The following CNTNAP2 variants were observed in gnomAD, a reference collection of about 807,000 sequenced individuals.
The protein encoded by CNTNAP2 is contactin-associated protein-like 2.
In CNTNAP2, 98 loss-of-function variants were observed where a neutral mutation model predicts 155.2. The ratio of observed to expected loss-of-function variants is 0.63; its 90% CI spans 0.54 to 0.75. The LOEUF is 0.75. Ranked by LOEUF, CNTNAP2 falls within the 30% of genes least tolerant of loss-of-function variation. The pLI is 0.00. For missense variants in CNTNAP2, 1,727 were observed against 1,688.1 expected, an observed-to-expected ratio of 1.02 and a Z score of -0.40; for synonymous variants, 651 against 631.2, an observed-to-expected ratio of 1.03 and a Z score of -0.47.
intron 1 of CNTNAP2, among the ~76,000 whole-genome samples, chr7:146,613,011 C>T (rs1256611337): frequency 1.3e-5 from 2 of 151,078 alleles, no homozygotes; most frequent in African/African-American, 4.9e-5. Flanking sequence ...CCACTCACTA[C>T]CAATTGCTCT....
chr7:146,947,850 G>A lies in CNTNAP2; in HGVS notation c.403-96057G>A, dbSNP rs1159116097. Among the ~76,000 whole-genome samples, 3 of 151,804 alleles carry A rather than the reference G, an allele frequency of 2.0e-5. No individual in the cohort carries two copies. The South Asian group carries it at 6.2e-4, about 32-fold the overall frequency. On this transcript the variant is annotated intron_variant, in intron 3 of 23. Transcript: ENST00000361727. Reference sequence around the variant, plus strand: ...GAACCTATTACTTCGAGGCTACAGCGAGCTATAATGGTGCCATTGCCCTGC... The same window carrying A: ...GAACCTATTACTTCGAGGCTACAGCAAGCTATAATGGTGCCATTGCCCTGC...
At chr7:147,868,119 C>A (rs746449377) in intron 13 of CNTNAP2, among the ~76,000 whole-genome samples, 23 of 152,090 alleles carry the variant, frequency 1.5e-4, no homozygotes, top group Non-Finnish European at 2.5e-4. Flanking sequence ...TGGTGACCTA[C>A]AGATGGGGTT....
At chr7:147,524,162 T>C (rs1262719907) in intron 11 of CNTNAP2, among the ~76,000 whole-genome samples, 1 of 152,184 alleles carries the variant, frequency 6.6e-6, no homozygotes, top group Non-Finnish European at 1.5e-5. Flanking sequence ...TTGCAAATAG[T>C]GCTTTGGTTT....
intron 3 of CNTNAP2, among the ~76,000 whole-genome samples, chr7:146,938,784 T>C (rs760892978): frequency 1.4e-4 from 22 of 152,164 alleles, no homozygotes; most frequent in Non-Finnish European, 2.9e-4. Flanking sequence ...CATTTCATTT[T>C]TATTTTGTGT....
chr7:147,353,202 G>A (rs1370764461), intron 9 of CNTNAP2, among the ~76,000 whole-genome samples: 7 of 151,254 alleles, frequency 4.6e-5, no homozygotes, highest in Non-Finnish European at 5.9e-5. Context: ...AGAACGTGCA[G>A]TTTTGTTACA....
At position 148,347,908 on chromosome 7, in the gene CNTNAP2, A is replaced by C. The variant is rs1184085033; in HGVS notation, c.3476-35741A>C. On this transcript the variant is annotated intron_variant, in intron 21 of 23. Coordinates refer to ENST00000361727, the MANE Select transcript of CNTNAP2 (RefSeq NM_014141.6). Reference sequence around the variant, plus strand: ...TTTACAGCTCTAAGCTGCTTGCTGCAAACATCCTGTAGTTCTCGTCAATTC... The same window carrying C: ...TTTACAGCTCTAAGCTGCTTGCTGCCAACATCCTGTAGTTCTCGTCAATTC... Among the ~76,000 whole-genome samples, 3 of 152,222 alleles carry C rather than the reference A, an allele frequency of 2.0e-5. No individual in the cohort carries two copies. In the East Asian group the frequency reaches 5.8e-4, roughly 29 times the overall value.
intron 20 of CNTNAP2, among the ~76,000 whole-genome samples, chr7:148,231,681 G>T (rs1481036361): frequency 6.6e-6 from 1 of 151,998 alleles, no homozygotes; most frequent in African/African-American, 2.4e-5. Flanking sequence ...TCCCAATTTT[G>T]TTACCGGAAG....
In CNTNAP2 at chr7:146,420,071, C is replaced by T. The variant is rs529695749; in HGVS notation, c.97+303098C>T. Among the ~76,000 whole-genome samples, 36 of 152,230 alleles carry T rather than the reference C, an allele frequency of 2.4e-4. No homozygotes were observed. The South Asian group carries it at 7.5e-3, about 32-fold the overall frequency. ...CCCTCTAGGAAGAGAAGAAACGGAG[C>T]TCTGTTGAATAACTTTTTCAGAGAT... is the stretch of plus-strand genomic sequence containing the variant. On this transcript the variant is annotated intron_variant, in intron 1 of 23. Transcript: ENST00000361727.
intron 14 of CNTNAP2, among the ~76,000 whole-genome samples, chr7:147,912,363 C>G (rs1463485591): frequency 6.6e-6 from 1 of 152,172 alleles, no homozygotes; most frequent in East Asian, 1.9e-4. Context: ...TCTGTTCTGA[C>G]CTCCTTGCCT....
intron 1 of CNTNAP2, among the ~76,000 whole-genome samples, chr7:146,454,284 T>A (rs1045062828): frequency 2.0e-5 from 3 of 152,180 alleles, no homozygotes; most frequent in Non-Finnish European, 4.4e-5. Context: ...TTCCTTAGTA[T>A]GAAGTATTTC....
chr7:148,367,034 C>T (rs1463239182), intron 21 of CNTNAP2, among the ~76,000 whole-genome samples: 1 of 152,018 alleles, frequency 6.6e-6, no homozygotes, highest in African/African-American at 2.4e-5. Context: ...AGATTGAGAC[C>T]ACTCTGGCCA....
rs143962913 is a variant in CNTNAP2 at position 148,054,210 on chromosome 7, G to C, written c.2384-63908G>C. The stretch of plus-strand genomic sequence containing the variant: ...GATGTTCTTGATCTCCTGACCTCGT[G>C]ATCCACCCGCCTCGGCCTCCCATAG... On this transcript the variant is annotated intron_variant, in intron 15 of 23. Transcript: ENST00000361727. 8.9e-3 allele frequency among the ~76,000 whole-genome samples: 1,350 copies of C among 152,198 alleles called. 11 individuals carry two copies. Among genetic ancestry groups the C allele is most frequent in the South Asian group, 0.029 (141 of 4,818 alleles).
At chr7:146,650,374 T>C (rs1799888531) in intron 1 of CNTNAP2, among the ~76,000 whole-genome samples, 2 of 152,144 alleles carry the variant, frequency 1.3e-5, no homozygotes, top group Non-Finnish European at 2.9e-5. Flanking sequence ...ATAAAAAATA[T>C]GAGTTCATGT....
intron 1 of CNTNAP2, among the ~76,000 whole-genome samples, chr7:146,654,430 A>G (rs1445701498): frequency 3.3e-5 from 5 of 152,160 alleles, no homozygotes; most frequent in Non-Finnish European, 7.4e-5. Flanking sequence ...GTGCCTTTCT[A>G]TTGAAAGACA....
At chr7:148,401,937 A>G (rs1370339664) in intron 22 of CNTNAP2, among the ~76,000 whole-genome samples, 2 of 152,224 alleles carry the variant, frequency 1.3e-5, no homozygotes, top group Non-Finnish European at 2.9e-5. Context: ...TTTATCGTTA[A>G]TCAGACAAAA....
At chr7:148,103,207 T>A (rs1187012455) in intron 15 of CNTNAP2, among the ~76,000 whole-genome samples, 1 of 74,782 alleles carries the variant, frequency 1.3e-5, no homozygotes, top group Admixed American at 1.5e-4. Flanking sequence ...GGTATGTAGC[T>A]TTTTTTTTTT....
chr7:146,370,262 A>T, intron 1 of CNTNAP2, among the ~76,000 whole-genome samples: 1 of 89,950 alleles, frequency 1.1e-5, no homozygotes, highest in Admixed American at 1.0e-4. Flanking sequence ...CTCTACTTTA[A>T]AAAAAAAAAA....
chr7:147,865,854 G>C (rs1799217505), intron 13 of CNTNAP2, among the ~76,000 whole-genome samples: 1 of 151,920 alleles, frequency 6.6e-6, no homozygotes, highest in Admixed American at 6.6e-5. Context: ...CAATTTTGTT[G>C]ATCTTTTCAA....
At chr7:146,908,222 G>A (rs1796187999) in intron 3 of CNTNAP2, among the ~76,000 whole-genome samples, 1 of 152,006 alleles carries the variant, frequency 6.6e-6, no homozygotes, top group Non-Finnish European at 1.5e-5. Context: ...ACACCGCACT[G>A]TCAACATTAG....
Sources: gnomAD v4.1 joint callset for allele counts (sites outside exome capture counted in the v4.1 genomes callset) on GRCh38, gnomAD v4.1.1 for gene constraint, MANE v1.5 for transcripts, NCBI Gene and HGNC (gene_info 2026-07-23, HGNC 2026-07-21) for gene names.